Variants in SUMF1 observed in about 807,000 individuals in gnomAD.
SUMF1 encodes the protein sulfatase modifying factor 1.
In SUMF1, 48 loss-of-function variants were observed where a neutral mutation model predicts 47.6. The observed-to-expected ratio is 1.01, with a 90% CI of 0.80 to 1.28. SUMF1 has a LOEUF of 1.28. SUMF1 is among the 50% of genes most tolerant of loss of function. The pLI is 0.00. For synonymous variants in SUMF1, 230 were observed against 192.1 expected, an observed-to-expected ratio of 1.20 and a Z score of -1.63; for missense variants, 571 against 485.4, an observed-to-expected ratio of 1.18 and a Z score of -1.66.
At chr3:4,145,811 A>T (rs1224648061) in intron 8 of SUMF1, among the ~76,000 whole-genome samples, 4 of 152,140 alleles carry the variant, frequency 2.6e-5, no homozygotes, top group Non-Finnish European at 4.4e-5. Flanking sequence ...AGCAGGGGAT[A>T]AGTATTTTAA....
intron 8 of SUMF1, among the ~76,000 whole-genome samples, chr3:4,341,616 T>C (rs1699274804): frequency 1.3e-5 from 2 of 152,350 alleles, no homozygotes; most frequent in East Asian, 1.9e-4. Flanking sequence ...TTTTTGACAC[T>C]TGTCATTTGA....
At chr3:4,344,994 G>A (rs1220081234) in intron 8 of SUMF1, among the ~76,000 whole-genome samples, 1 of 151,970 alleles carries the variant, frequency 6.6e-6, no homozygotes, top group Non-Finnish European at 1.5e-5. Flanking sequence ...AAAAAAGAGT[G>A]AAAAGGAATG....
intron 8 of SUMF1, among the ~76,000 whole-genome samples, chr3:4,208,458 A>G (rs991447747): frequency 1.9e-4 from 23 of 124,252 alleles, no homozygotes; most frequent in Admixed American, 6.1e-4. Flanking sequence ...TTTATAGGAC[A>G]TTCTAGAAGG....
intron 8 of SUMF1, among the ~76,000 whole-genome samples, chr3:4,277,711 G>T (rs578128900): frequency 3.9e-5 from 6 of 152,180 alleles, no homozygotes; most frequent in African/African-American, 1.4e-4. Context: ...TTCTCAATCA[G>T]CATAATAATC....
chr3:4,373,159 A>T (rs1475772019), intron 8 of SUMF1, among the ~76,000 whole-genome samples: 1 of 151,910 alleles, frequency 6.6e-6, no homozygotes, highest in African/African-American at 2.4e-5. Flanking sequence ...TAATAAGCAT[A>T]AGGAGAGAAA....
At chr3:4,049,325 T>C (rs1695062713) in intron 9 of SUMF1, among the ~76,000 whole-genome samples, 1 of 152,148 alleles carries the variant, frequency 6.6e-6, no homozygotes, top group South Asian at 2.1e-4. Flanking sequence ...TCACTTCTTC[T>C]CGTATTTCAC....
chr3:4,286,861 G>A (rs1258563925), intron 8 of SUMF1, among the ~76,000 whole-genome samples: 1 of 152,092 alleles, frequency 6.6e-6, no homozygotes, highest in Non-Finnish European at 1.5e-5. Flanking sequence ...AGAACTTGCA[G>A]AACAATGCAA....
chr3:4,406,832 T>C (rs943058446), intron 7 of SUMF1, among the ~76,000 whole-genome samples: 3 of 152,300 alleles, frequency 2.0e-5, no homozygotes, highest in East Asian at 1.9e-4. Flanking sequence ...AAAGTGAGTA[T>C]GCAGATGTGG....
intron 8 of SUMF1, among the ~76,000 whole-genome samples, chr3:4,257,804 G>A (rs1052293597): frequency 6.6e-6 from 1 of 152,010 alleles, no homozygotes; most frequent in African/African-American, 2.4e-5. Flanking sequence ...GTGTGGCCAA[G>A]TCAATCCTAA....
chr3:4,208,022 T>C (rs910665963), intron 8 of SUMF1, among the ~76,000 whole-genome samples: 1 of 152,140 alleles, frequency 6.6e-6, no homozygotes. Flanking sequence ...TAGGAAAATC[T>C]TTTCATGCTT....
At chr3:4,261,660 T>C (rs1697088083) in intron 8 of SUMF1, among the ~76,000 whole-genome samples, 1 of 152,174 alleles carries the variant, frequency 6.6e-6, no homozygotes, top group Non-Finnish European at 1.5e-5. Flanking sequence ...AGCTCAATGG[T>C]CGCAGCAATG....
At chr3:4,101,506 G>A (rs1419120399) in intron 8 of SUMF1, among the ~76,000 whole-genome samples, 1 of 152,078 alleles carries the variant, frequency 6.6e-6, no homozygotes, top group East Asian at 1.9e-4. Flanking sequence ...AAGATGGGCA[G>A]GGAAAGGTGA....
Position 4,269,865 on chromosome 3 carries a change from T to C in SUMF1, c.1014+106465A>G, listed in dbSNP as rs532246694. The stretch of plus-strand genomic sequence containing the variant: ...TGGACAGACTAGAAAATGTAGGGTA[T>C]ACAATACAAGCTGCTCTTAGCTACC... On this transcript the variant is annotated intron_variant and NMD_transcript_variant, in intron 8 of 12. Transcript: ENST00000448413. Among the ~76,000 whole-genome samples the C allele has an allele frequency of 1.3e-4, 20 of 152,260 alleles. No homozygotes were observed. The South Asian group carries it at 4.1e-3, about 32-fold the overall frequency.
intron 8 of SUMF1, among the ~76,000 whole-genome samples, chr3:4,111,971 C>A (rs938524640): frequency 6.6e-6 from 1 of 150,914 alleles, no homozygotes; most frequent in East Asian, 2.0e-4. Context: ...ATTAGGATGG[C>A]AATTATAGAA....
At chr3:4,196,424 C>T (rs1045600502) in intron 8 of SUMF1, among the ~76,000 whole-genome samples, 4 of 152,198 alleles carry the variant, frequency 2.6e-5, no homozygotes, top group South Asian at 2.1e-4. Flanking sequence ...AGACTTGGTA[C>T]ACAGTGAGTG....
intron 3 of SUMF1, among the ~76,000 whole-genome samples, chr3:4,422,456 C>G (rs1172796817): frequency 2.0e-5 from 3 of 151,442 alleles, no homozygotes; most frequent in Non-Finnish European, 2.9e-5. Flanking sequence ...CTTCTCATAC[C>G]CTTTTGTGTC....
At chr3:4,127,360 T>TG (rs1693678267) in intron 8 of SUMF1, among the ~76,000 whole-genome samples, 1 of 152,272 alleles carries the variant, frequency 6.6e-6, no homozygotes, top group Middle Eastern at 3.4e-3. Flanking sequence ...TGGGTGTGTC[T>TG]GTGAGGGTGT....
intron 9 of SUMF1, among the ~76,000 whole-genome samples, chr3:4,035,801 T>C (rs1289363840): frequency 6.6e-6 from 1 of 152,176 alleles, no homozygotes; most frequent in East Asian, 1.9e-4. Flanking sequence ...CTTTCTAAGA[T>C]AGTAGGTGTC....
At chr3:4,111,347 T>C (rs1274695549) in intron 8 of SUMF1, among the ~76,000 whole-genome samples, 1 of 152,068 alleles carries the variant, frequency 6.6e-6, no homozygotes, top group East Asian at 1.9e-4. Context: ...GGGTAAACTG[T>C]AGTATAAAAC....
Sources: gnomAD v4.1 joint callset for allele counts (sites outside exome capture counted in the v4.1 genomes callset) on GRCh38, gnomAD v4.1.1 for gene constraint, MANE v1.5 for transcripts, NCBI Gene and HGNC (gene_info 2026-07-23, HGNC 2026-07-21) for gene names.